The following DYNC1I1 variants were observed in gnomAD, a reference collection of about 807,000 sequenced individuals.
The protein encoded by DYNC1I1 is cytoplasmic dynein 1 intermediate chain 1.
A neutral mutation model predicts 86.6 loss-of-function variants in DYNC1I1; 43 were observed. The ratio of observed to expected loss-of-function variants is 0.50; its 90% confidence interval spans 0.39 to 0.64. DYNC1I1 has a LOEUF of 0.64. Ranked by LOEUF, DYNC1I1 falls within the 30% of genes least tolerant of loss-of-function variation. The probability of loss-of-function intolerance (pLI) is 0.00; values close to 1 mark genes in which losing one functional copy is unlikely to be tolerated. For synonymous variants in DYNC1I1, 262 were observed against 283.7 expected (o/e 0.92, Z 0.77); for missense variants, 604 against 788.8 (o/e 0.77, Z 2.81).
chr7:95,936,428 G>C (rs1363835860), intron 6 of DYNC1I1, among the ~76,000 whole-genome samples: 1 of 151,922 alleles, frequency 6.6e-6, no homozygotes, highest in Non-Finnish European at 1.5e-5. Flanking sequence ...TGGGAAGTTG[G>C]CCATAGATAG....
At chr7:95,928,028 C>A (rs796780416) in intron 6 of DYNC1I1, among the ~76,000 whole-genome samples, 23 of 152,320 alleles carry the variant, frequency 1.5e-4, no homozygotes, top group African/African-American at 4.8e-4. Flanking sequence ...CCCTGCCAGC[C>A]ACACTTGGCC....
chr7:95,894,237 T>C (rs1054276794), intron 6 of DYNC1I1, among the ~76,000 whole-genome samples: 3 of 151,992 alleles, frequency 2.0e-5, no homozygotes, highest in Admixed American at 1.3e-4. Context: ...CTCACAATTC[T>C]GAAGGCTGGA....
intron 1 of DYNC1I1, among the ~76,000 whole-genome samples, chr7:95,795,921 A>G (rs376139725): frequency 2.7e-4 from 41 of 151,746 alleles, no homozygotes; most frequent in African/African-American, 8.7e-4. Flanking sequence ...ATGAATTAAA[A>G]ATGCCTCTGT....
chr7:95,940,452 G>A (rs1397231646), intron 6 of DYNC1I1, among the ~76,000 whole-genome samples: 1 of 152,082 alleles, frequency 6.6e-6, no homozygotes, highest in Non-Finnish European at 1.5e-5. Context: ...ACACAGATTT[G>A]GTCTTTTCAC....
At chr7:95,778,099 T>C (rs2115627855) in intron 1 of DYNC1I1, among the ~76,000 whole-genome samples, 1 of 152,356 alleles carries the variant, frequency 6.6e-6, no homozygotes, top group African/African-American at 2.4e-5. Flanking sequence ...AGGGATGTTT[T>C]TATATCTTGC....
At chr7:96,023,841 A>T (rs1794612742) in intron 10 of DYNC1I1, among the ~76,000 whole-genome samples, 1 of 152,180 alleles carries the variant, frequency 6.6e-6, no homozygotes, top group Non-Finnish European at 1.5e-5. Flanking sequence ...CCTCTGGGCT[A>T]AGGCATCTGC....
At chr7:95,808,799 G>A (rs1794761354) in intron 2 of DYNC1I1, among the ~76,000 whole-genome samples, 1 of 152,132 alleles carries the variant, frequency 6.6e-6, no homozygotes, top group Admixed American at 6.6e-5. Flanking sequence ...TGCTGAGAAA[G>A]GCACCTTGAA....
intron 5 of DYNC1I1, among the ~76,000 whole-genome samples, chr7:95,852,802 G>C (rs1018280040): frequency 6.6e-6 from 1 of 152,022 alleles, no homozygotes; most frequent in African/African-American, 2.4e-5. Flanking sequence ...CACCGCACCC[G>C]GTGTCTTCTC....
chr7:95,855,453 G>T (rs1392205822), intron 5 of DYNC1I1, among the ~76,000 whole-genome samples: 2 of 152,122 alleles, frequency 1.3e-5, no homozygotes. Context: ...GGAGACCATT[G>T]ATCATCCTGT....
intron 6 of DYNC1I1, among the ~76,000 whole-genome samples, chr7:95,958,195 C>A (rs974216524): frequency 3.9e-5 from 6 of 152,108 alleles, no homozygotes; most frequent in African/African-American, 1.4e-4. Flanking sequence ...TAGAAAGACT[C>A]TCAAAGGATT....
intron 7 of DYNC1I1, among the ~76,000 whole-genome samples, chr7:95,978,691 C>T (rs1360543264): frequency 1.3e-5 from 2 of 152,162 alleles, no homozygotes; most frequent in East Asian, 3.9e-4. Context: ...GGAATTGATA[C>T]CTACTGATCC....
intron 7 of DYNC1I1, among the ~76,000 whole-genome samples, chr7:95,981,725 G>GA (rs533818704): frequency 1.7e-3 from 261 of 151,910 alleles, no homozygotes; most frequent in African/African-American, 5.9e-3. Context: ...TGAAAACAAA[G>GA]AAAAAAAATC....
At chr7:95,838,782 G>A (rs552718757) in intron 5 of DYNC1I1, among the ~76,000 whole-genome samples, 2 of 151,788 alleles carry the variant, frequency 1.3e-5, no homozygotes, top group South Asian at 2.1e-4. Context: ...TCTTTCTGAT[G>A]CTATTATTAG....
chr7:95,880,521 A>C (rs1382608759), intron 6 of DYNC1I1, among the ~76,000 whole-genome samples: 1 of 152,150 alleles, frequency 6.6e-6, no homozygotes, highest in Non-Finnish European at 1.5e-5. Context: ...CTCAAGTCAC[A>C]TGCAAGAGGG....
intron 6 of DYNC1I1, among the ~76,000 whole-genome samples, chr7:95,874,165 G>T (rs533966970): frequency 3.9e-5 from 6 of 152,172 alleles, no homozygotes; most frequent in Admixed American, 2.6e-4. Context: ...TCTTTTCAAC[G>T]GACACTTCAT....
chr7:95,921,261 C>A (rs1233096951), intron 6 of DYNC1I1, among the ~76,000 whole-genome samples: 4 of 152,142 alleles, frequency 2.6e-5, no homozygotes, highest in African/African-American at 9.7e-5. Context: ...TATTGATAAA[C>A]CTATCAAGAT....
chr7:95,925,081 G>T (rs1000351501), intron 6 of DYNC1I1, among the ~76,000 whole-genome samples: 2 of 152,096 alleles, frequency 1.3e-5, no homozygotes, highest in African/African-American at 4.8e-5. Flanking sequence ...GTCAAAATAC[G>T]AGTTGCAATA....
At chr7:95,928,834 T>C (rs984790158) in intron 6 of DYNC1I1, among the ~76,000 whole-genome samples, 1 of 152,196 alleles carries the variant, frequency 6.6e-6, no homozygotes, top group Non-Finnish European at 1.5e-5. Context: ...GTTGTGAGGA[T>C]GAAATGCAAC....
At chr7:95,992,396 G>A (rs965921216) in intron 9 of DYNC1I1, among the ~76,000 whole-genome samples, 16 of 152,100 alleles carry the variant, frequency 1.1e-4, no homozygotes, top group African/African-American at 3.6e-4. Context: ...AAAGGAGAAG[G>A]CTTTTGAAGC....
Sources: allele counts gnomAD v4.1 joint callset (sites outside exome capture counted in the v4.1 genomes callset), GRCh38; gene constraint gnomAD v4.1.1; transcripts MANE v1.5; gene names NCBI Gene and HGNC (gene_info 2026-07-23, HGNC 2026-07-21).